Variants in RBFOX1 observed in about 807,000 individuals in gnomAD.
RBFOX1 encodes RNA binding protein fox-1 homolog 1.
In RBFOX1, 8 loss-of-function variants were observed where a neutral mutation model predicts 57.7. The ratio of observed to expected loss-of-function variants is 0.14; its 90% CI spans 0.08 to 0.25. The LOEUF (loss-of-function observed/expected upper bound fraction) is 0.25, where lower values mean the gene tolerates loss of function less well. RBFOX1 is among the 10% of genes least tolerant of loss of function. The probability of loss-of-function intolerance (pLI) is 1.00; values close to 1 mark genes in which losing one functional copy is unlikely to be tolerated. For missense variants in RBFOX1, 611 were observed against 548.5 expected, an observed-to-expected ratio of 1.11 and a Z score of -1.14; for synonymous variants, 326 against 222.4, an observed-to-expected ratio of 1.47 and a Z score of -4.15.
chr16:6,663,143 T>G (rs552302780), intron 3 of RBFOX1, among the ~76,000 whole-genome samples: 1 of 152,246 alleles, frequency 6.6e-6, no homozygotes, highest in East Asian at 1.9e-4. Flanking sequence ...GGGTCTGAAC[T>G]AGAGCCATGT....
chr16:6,836,210 G>A (rs1442773443), intron 3 of RBFOX1, among the ~76,000 whole-genome samples: 1 of 152,028 alleles, frequency 6.6e-6, no homozygotes, highest in African/African-American at 2.4e-5. Context: ...TTTTCTCATC[G>A]TTTCTTGAAA....
intron 1 of RBFOX1, among the ~76,000 whole-genome samples, chr16:5,401,944 A>G (rs981154911): frequency 2.0e-5 from 3 of 151,928 alleles, no homozygotes; most frequent in African/African-American, 7.2e-5. Flanking sequence ...TCCACCCAAA[A>G]TAGGTTGATG....
chr16:6,700,409 G>A (rs1323592488), intron 3 of RBFOX1, among the ~76,000 whole-genome samples: 2 of 151,942 alleles, frequency 1.3e-5, no homozygotes, highest in African/African-American at 4.8e-5. Flanking sequence ...TGTAATCTCA[G>A]CACTTTGGGA....
intron 4 of RBFOX1, among the ~76,000 whole-genome samples, chr16:7,331,479 A>G (rs1204436588): frequency 6.6e-6 from 1 of 152,254 alleles, no homozygotes; most frequent in African/African-American, 2.4e-5. Context: ...TAAGAAGATT[A>G]GAAGACTGAC....
intron 4 of RBFOX1, among the ~76,000 whole-genome samples, chr16:7,118,441 G>A (rs2066397801): frequency 6.6e-6 from 1 of 152,086 alleles, no homozygotes; most frequent in South Asian, 2.1e-4. Flanking sequence ...GAGGCAAGGA[G>A]GAGGGTAAAG....
chr16:6,097,870 G>A lies in RBFOX1; in HGVS notation c.-127+77878G>A, dbSNP rs1282742938. On this transcript the variant is annotated intron_variant, in intron 1 of 15. Coordinates refer to ENST00000550418, the MANE Select transcript of RBFOX1 (RefSeq NM_018723.4). The surrounding 1 kb of genome is among the most constrained non-coding windows in gnomAD (Gnocchi z 5.0). ...TGGAAGTGGGGGACGTGTCTGATTTGTGCATGGCTATTTTGCGATTTGCCA... is the reference window on the plus strand; with the variant it reads ...TGGAAGTGGGGGACGTGTCTGATTTATGCATGGCTATTTTGCGATTTGCCA... Among the ~76,000 whole-genome samples the A allele has an allele frequency of 6.6e-6, 1 of 151,680 alleles. No individual in the cohort carries two copies. Among genetic ancestry groups the A allele is most frequent in the Non-Finnish European group, 1.5e-5 (1 of 67,986 alleles).
chr16:5,573,678 C>G (rs1044294733), intron 2 of RBFOX1, among the ~76,000 whole-genome samples: 1 of 152,148 alleles, frequency 6.6e-6, no homozygotes, highest in Non-Finnish European at 1.5e-5. Context: ...AAGAAACAGA[C>G]CGGCTGGACG....
intron 4 of RBFOX1, among the ~76,000 whole-genome samples, chr16:7,155,358 G>A (rs1033813797): frequency 6.6e-6 from 1 of 152,018 alleles, no homozygotes; most frequent in Non-Finnish European, 1.5e-5. Context: ...GGGAGGTCGA[G>A]TTCAGTGGGT....
chr16:7,553,100 C>A (rs2087106206), intron 5 of RBFOX1, among the ~76,000 whole-genome samples: 1 of 151,814 alleles, frequency 6.6e-6, no homozygotes, highest in Non-Finnish European at 1.5e-5. Context: ...TCCTTTTTTC[C>A]CCTTCCTTTT....
chr16:7,111,036 A>G (rs1040006025), intron 4 of RBFOX1, among the ~76,000 whole-genome samples: 1 of 152,192 alleles, frequency 6.6e-6, no homozygotes, highest in African/African-American at 2.4e-5. Context: ...TGGCACACAC[A>G]CACATAAAGG....
At chr16:5,648,258 T>A (rs925310432) in intron 3 of RBFOX1, among the ~76,000 whole-genome samples, 4 of 152,120 alleles carry the variant, frequency 2.6e-5, no homozygotes, top group Non-Finnish European at 2.9e-5. Flanking sequence ...GGTTCTCAAG[T>A]TCTCGGAGCC....
At chr16:7,280,360 G>T (rs2141126652) in intron 4 of RBFOX1, among the ~76,000 whole-genome samples, 1 of 152,254 alleles carries the variant, frequency 6.6e-6, no homozygotes, top group South Asian at 2.1e-4. Flanking sequence ...TTAACAGTAG[G>T]TCATCCCCAA....
At chr16:6,451,126 C>G (rs1423505844) in intron 2 of RBFOX1, among the ~76,000 whole-genome samples, 1 of 151,500 alleles carries the variant, frequency 6.6e-6, no homozygotes, top group Non-Finnish European at 1.5e-5. Context: ...TCTTTCAATT[C>G]AACACAGTAT....
chr16:5,995,547 C>G (rs745684955), intron 4 of RBFOX1, among the ~76,000 whole-genome samples: 4 of 152,146 alleles, frequency 2.6e-5, no homozygotes, highest in African/African-American at 4.8e-5. Context: ...TGAGAGGGGA[C>G]AAAGAAATCT....
intron 4 of RBFOX1, among the ~76,000 whole-genome samples, chr16:7,158,339 C>T (rs979685977): frequency 6.6e-6 from 1 of 152,060 alleles, no homozygotes; most frequent in Non-Finnish European, 1.5e-5. Flanking sequence ...AGAGTGAACT[C>T]TGTCTCAAAA....
chr16:6,683,588 T>G lies in RBFOX1; in HGVS notation c.-16+28938T>G, dbSNP rs866322865. ...ACGTTTGCATACACGTGTATACATG[T>G]GTGTGTGTATGTATATATCTGTGTT... On this transcript the variant is annotated intron_variant, in intron 3 of 15. Coordinates refer to ENST00000550418, the MANE Select transcript of RBFOX1 (RefSeq NM_018723.4). 2.0e-5 allele frequency among the ~76,000 whole-genome samples: 3 copies of G among 152,284 alleles called. No individual in the cohort carries two copies. The East Asian group carries it at 5.8e-4, about 29-fold the overall frequency.
At chr16:5,941,098 C>T (rs977064142) in intron 4 of RBFOX1, among the ~76,000 whole-genome samples, 1 of 151,842 alleles carries the variant, frequency 6.6e-6, no homozygotes, top group African/African-American at 2.4e-5. Flanking sequence ...TACACCCATC[C>T]CCAGTAAAGT....
chr16:5,692,550 T>C (rs1012505231), intron 3 of RBFOX1, among the ~76,000 whole-genome samples: 2 of 152,312 alleles, frequency 1.3e-5, no homozygotes, highest in South Asian at 4.1e-4. Context: ...GTACCCGGTC[T>C]CCTAATGCAG....
chr16:5,822,913 G>T (rs966418243), intron 3 of RBFOX1, among the ~76,000 whole-genome samples: 1 of 152,234 alleles, frequency 6.6e-6, no homozygotes, highest in East Asian at 1.9e-4. Context: ...TTGCCAGGCT[G>T]TGGGCTTAGA....
Sources: allele counts gnomAD v4.1 joint callset (sites outside exome capture counted in the v4.1 genomes callset), GRCh38; gene constraint gnomAD v4.1.1; non-coding constraint Gnocchi (gnomAD v3.1); transcripts MANE v1.5; gene names NCBI Gene and HGNC (gene_info 2026-07-23, HGNC 2026-07-21).